The following OTUD7A variants were observed in gnomAD, a reference collection of about 807,000 sequenced individuals.
OTUD7A encodes OTU deubiquitinase 7A.
Under a neutral mutation model 65.7 loss-of-function variants are expected in OTUD7A, and 12 were observed. The observed-to-expected ratio is 0.18, with a 90% CI of 0.12 to 0.30. OTUD7A has a LOEUF of 0.30. Among genes scored for constraint, OTUD7A ranks in the 10% least tolerant of loss-of-function variants. The pLI is 1.00. For synonymous variants in OTUD7A, 641 were observed against 586.3 expected (o/e 1.09, Z -1.35); for missense variants, 1,148 against 1,304.8 (o/e 0.88, Z 1.85).
At chr15:31,866,609 T>C (rs1198173134) in intron 1 of OTUD7A, among the ~76,000 whole-genome samples, 7 of 152,202 alleles carry the variant, frequency 4.6e-5, no homozygotes, top group Non-Finnish European at 7.3e-5. Flanking sequence ...AGTCTACCAA[T>C]AGGCAAATAA....
In OTUD7A at chr15:31,528,476, GT is replaced by G. The variant is rs145165040; in HGVS notation, c.653-1169del. ...CAGAAGGAGAGTAATGTGAACTGAT[GT>G]TTTCAAAGGCTCAACTGGCTGGGCA... On this transcript the variant is annotated intron_variant, in intron 6 of 12. Coordinates refer to ENST00000307050, the MANE Select transcript of OTUD7A (RefSeq NM_001382637.1). Among the ~76,000 whole-genome samples, 360 of 152,390 alleles carry G rather than the reference GT, an allele frequency of 2.4e-3. 1 individual carries two copies. The highest frequency in any genetic ancestry group is 8.2e-3 in the African/African-American group (339 of 41,592).
chr15:31,816,903 G>A (rs894327210), intron 1 of OTUD7A, among the ~76,000 whole-genome samples: 2 of 152,188 alleles, frequency 1.3e-5, no homozygotes, highest in Non-Finnish European at 2.9e-5. Context: ...GAGGGGATAT[G>A]AACCGCAAGA....
chr15:31,494,818 A>G (rs764617778), intron 10 of OTUD7A, among the ~76,000 whole-genome samples: 1 of 152,248 alleles, frequency 6.6e-6, no homozygotes, highest in Non-Finnish European at 1.5e-5. Context: ...CAGGTAGGAC[A>G]GGTGGCTGGT....
intron 1 of OTUD7A, among the ~76,000 whole-genome samples, chr15:31,681,165 T>G (rs1289802427): frequency 6.6e-6 from 1 of 151,656 alleles, no homozygotes; most frequent in Admixed American, 6.5e-5. Context: ...TTATTAATTT[T>G]CTCATTGTCT....
chr15:31,531,664 A>G (rs759892403), intron 5 of OTUD7A, among the ~76,000 whole-genome samples: 35 of 152,198 alleles, frequency 2.3e-4, no homozygotes, highest in Middle Eastern at 6.8e-3. Flanking sequence ...AAAAATTATA[A>G]CCCGACCACC....
At chr15:31,837,370 TAC>T (rs1567047977) in intron 1 of OTUD7A, among the ~76,000 whole-genome samples, 1 of 19,968 alleles carries the variant, frequency 5.0e-5, no homozygotes, top group Non-Finnish European at 9.8e-5. Flanking sequence ...CTACTAAAAA[TAC>T]AAAAAAAAAA....
chr15:31,763,423 T>C (rs1188400661), intron 1 of OTUD7A, among the ~76,000 whole-genome samples: 2 of 152,072 alleles, frequency 1.3e-5, no homozygotes, highest in South Asian at 4.1e-4. Context: ...ATGGGTTAAA[T>C]GGCAGAATGG....
At chr15:31,646,674 T>G (rs1891681291) in intron 3 of OTUD7A, among the ~76,000 whole-genome samples, 1 of 152,090 alleles carries the variant, frequency 6.6e-6, no homozygotes, top group East Asian at 1.9e-4. Context: ...TTGGTCAGGC[T>G]GGCCTCGAAC....
At chr15:31,676,738 G>A (rs893417996) in intron 1 of OTUD7A, among the ~76,000 whole-genome samples, 2 of 152,144 alleles carry the variant, frequency 1.3e-5, no homozygotes, top group African/African-American at 4.8e-5. Context: ...ACACACGTGG[G>A]GAATCCCAAA....
chr15:31,800,026 C>T lies in OTUD7A; in HGVS notation c.-100+70481G>A, dbSNP rs1305738723. Among the ~76,000 whole-genome samples the T allele has an allele frequency of 3.9e-5, 6 of 152,132 alleles. No homozygotes were observed. In the South Asian group the frequency reaches 1.0e-3, roughly 26 times the overall value. ...AAAAACAAGAAGGTTGTTTATTACA[C>T]CAGAAACCGCAGAAAGTGAGAAGGC... On this transcript the variant is annotated intron_variant, in intron 1 of 12. Transcript: ENST00000307050.
At chr15:31,665,839 G>A (rs1892304089) in intron 1 of OTUD7A, among the ~76,000 whole-genome samples, 1 of 152,080 alleles carries the variant, frequency 6.6e-6, no homozygotes, top group Non-Finnish European at 1.5e-5. Context: ...CTTGTATGCC[G>A]ATTTTGCTGA....
chr15:31,646,694 C>T (rs916884743), intron 3 of OTUD7A, among the ~76,000 whole-genome samples: 7 of 152,078 alleles, frequency 4.6e-5, no homozygotes, highest in South Asian at 2.1e-4. Flanking sequence ...CTCCTGACCT[C>T]GTGATCTGCC....
intron 1 of OTUD7A, among the ~76,000 whole-genome samples, chr15:31,658,678 C>G (rs545598913): frequency 2.0e-5 from 3 of 152,156 alleles, no homozygotes; most frequent in Admixed American, 1.3e-4. Flanking sequence ...AGTAAAATTG[C>G]AAGACAGAGG....
intron 1 of OTUD7A, among the ~76,000 whole-genome samples, chr15:31,758,695 T>C (rs908495479): frequency 6.6e-6 from 1 of 152,192 alleles, no homozygotes; most frequent in Non-Finnish European, 1.5e-5. Context: ...AGCTCAAGAC[T>C]TTGCCAAGCT....
chr15:31,789,462 C>T lies in OTUD7A; in HGVS notation c.-100+81045G>A, dbSNP rs192995891. 3.5e-4 allele frequency among the ~76,000 whole-genome samples: 53 copies of T among 152,284 alleles called. 1 individual carries two copies. The highest frequency in any genetic ancestry group is 1.2e-3 in the African/African-American group (50 of 41,564). On this transcript the variant is annotated intron_variant, in intron 1 of 12. Transcript: ENST00000307050. ...GATGATTTTCATATGAATGTTCTGA[C>T]ATGAAAAGGGCAACACATTTCACTC...
rs1048042092 is a variant in OTUD7A, at chr15:31,479,332, A to C, written c.*3962T>G. ...AAACACATTTCTTCTTATCTATTAG[A>C]AGCACTGAGGAAAGAAAAAGGACAG... On this transcript the variant is annotated 3_prime_UTR_variant, in exon 13 of 13. Coordinates refer to ENST00000307050, the MANE Select transcript of OTUD7A (RefSeq NM_001382637.1). The C allele has an allele frequency of 1.3e-5, 2 of 152,216 alleles. No individual in the cohort carries two copies. Among genetic ancestry groups the C allele is most frequent in the African/African-American group, 2.4e-5 (1 of 41,448 alleles). 9.4% of individuals were successfully genotyped at this position (152,216 alleles called of 1,614,324 possible). A position where few individuals can be genotyped will look rare whatever the true frequency, so the allele number is the denominator to read the frequency against.
At chr15:31,574,022 T>G (rs974559908) in intron 3 of OTUD7A, among the ~76,000 whole-genome samples, 9 of 152,048 alleles carry the variant, frequency 5.9e-5, no homozygotes, top group African/African-American at 2.2e-4. Flanking sequence ...ATTGGTTAAA[T>G]TAGATGGTAG....
intron 3 of OTUD7A, among the ~76,000 whole-genome samples, chr15:31,588,168 T>G (rs1889605629): frequency 6.6e-6 from 1 of 152,186 alleles, no homozygotes; most frequent in Non-Finnish European, 1.5e-5. Context: ...TTTGGTTTAT[T>G]CAAACAATGG....
intron 8 of OTUD7A, among the ~76,000 whole-genome samples, chr15:31,515,489 C>T (rs1245515776): frequency 6.6e-6 from 1 of 152,190 alleles, no homozygotes; most frequent in Non-Finnish European, 1.5e-5. Context: ...TTACTATACA[C>T]TGGTGCTGTG....
Sources: allele counts gnomAD v4.1 joint callset (sites outside exome capture counted in the v4.1 genomes callset), GRCh38; gene constraint gnomAD v4.1.1; transcripts MANE v1.5; gene names NCBI Gene and HGNC (gene_info 2026-07-23, HGNC 2026-07-21).